The following EEIG2 variants were observed in gnomAD, a reference collection of about 807,000 sequenced individuals.
EEIG2 encodes the protein family with sequence similarity 102 member B.
At chr1:108,565,088 G>C in the EEIG2 span, among the ~76,000 whole-genome samples, 8 of 152,056 alleles carry the variant, frequency 5.3e-5, no homozygotes, top group African/African-American at 1.9e-4. Flanking sequence ...TATTAAAATG[G>C]TCAGGGTAAA....
At chr1:108,564,249 C>G in the EEIG2 span, among the ~76,000 whole-genome samples, 4 of 148,604 alleles carry the variant, frequency 2.7e-5, no homozygotes, top group Admixed American at 2.7e-4. Flanking sequence ...TATCTGTATT[C>G]AAGGTTGGGT....
chr1:108,597,146 G>T, the EEIG2 span, among the ~76,000 whole-genome samples: 1 of 152,154 alleles, frequency 6.6e-6, no homozygotes, highest in African/African-American at 2.4e-5. Context: ...TATGTGGCAG[G>T]TGCTTGTCAT....
the EEIG2 span, chr1:108,628,679 G>A: frequency 6.2e-7 from 1 of 1,608,104 alleles, no homozygotes; most frequent in African/African-American, 1.3e-5. Context: ...TTTCAAAGAT[G>A]CCCAGTGAAA....
chr1:108,636,761 A>G, the EEIG2 span: 1 of 150,758 alleles, frequency 6.6e-6, no homozygotes, highest in Non-Finnish European at 1.5e-5. Flanking sequence ...AGCCTAACCA[A>G]GGGACTTAAG....
chr1:108,595,804 C>CGTAT, the EEIG2 span, among the ~76,000 whole-genome samples: 188 of 152,126 alleles, frequency 1.2e-3, no homozygotes, highest in African/African-American at 4.3e-3. Context: ...CATGCCTAAT[C>CGTAT]GTATATGTTA....
chr1:108,576,362 TGTATACATG>T, the EEIG2 span, among the ~76,000 whole-genome samples: 11 of 151,048 alleles, frequency 7.3e-5, no homozygotes, highest in Admixed American at 7.3e-4. Flanking sequence ...TAGTTACATA[TGTATACATG>T]TGCCATGCTG....
the EEIG2 span, chr1:108,638,144 CGTT>C: frequency 1.3e-5 from 2 of 152,130 alleles, no homozygotes; most frequent in Admixed American, 1.3e-4. Context: ...GTGGCGCAAT[CGTT>C]GCTCACTACA....
the EEIG2 span, chr1:108,616,255 G>A: frequency 1.7e-5 from 12 of 686,240 alleles, no homozygotes; most frequent in African/African-American, 1.1e-4. Context: ...TTAGCCTCCC[G>A]TGGATATAAC....
At chr1:108,561,150 G>C in the EEIG2 span, among the ~76,000 whole-genome samples, 1 of 152,220 alleles carries the variant, frequency 6.6e-6, no homozygotes, top group Non-Finnish European at 1.5e-5. Context: ...GCCACTAGTA[G>C]GTCTCCTTGT....
chr1:108,616,558 G>A, the EEIG2 span: 8 of 623,496 alleles, frequency 1.3e-5, no homozygotes, highest in Non-Finnish European at 2.2e-5. Context: ...TCTTCCCTGG[G>A]AGACTGACCT....
At chr1:108,622,938 A>C in the EEIG2 span, among the ~76,000 whole-genome samples, 3 of 152,122 alleles carry the variant, frequency 2.0e-5, no homozygotes, top group African/African-American at 7.2e-5. Flanking sequence ...TATCAGCCTC[A>C]AAAGGTTAGG....
At chr1:108,577,870 A>T in the EEIG2 span, among the ~76,000 whole-genome samples, 1 of 151,272 alleles carries the variant, frequency 6.6e-6, no homozygotes, top group African/African-American at 2.4e-5. Context: ...ATGGCATTGA[A>T]TCAGTAAATT....
chr1:108,624,589 C>A, the EEIG2 span: 1 of 1,480,808 alleles, frequency 6.8e-7, no homozygotes, highest in Non-Finnish European at 9.4e-7. Context: ...CAATCAATAA[C>A]TATTGTAAAC....
chr1:108,591,070 T>G, the EEIG2 span, among the ~76,000 whole-genome samples: 1 of 152,346 alleles, frequency 6.6e-6, no homozygotes, highest in East Asian at 1.9e-4. Flanking sequence ...CAAATCATAT[T>G]CTGTTGCTTT....
the EEIG2 span, among the ~76,000 whole-genome samples, chr1:108,565,833 T>C: frequency 6.6e-6 from 1 of 152,204 alleles, no homozygotes; most frequent in East Asian, 1.9e-4. Flanking sequence ...GTATTTCTTT[T>C]TAGTAAACAT....
the EEIG2 span, among the ~76,000 whole-genome samples, chr1:108,589,460 A>G: frequency 6.6e-6 from 1 of 152,046 alleles, no homozygotes. Flanking sequence ...TACACTTGCT[A>G]GTGTTATTAG....
chr1:108,573,123 T>C, the EEIG2 span, among the ~76,000 whole-genome samples: 1 of 152,226 alleles, frequency 6.6e-6, no homozygotes, highest in African/African-American at 2.4e-5. Context: ...CTGAGGAGCA[T>C]GACTGCTGGA....
the EEIG2 span, chr1:108,635,135 T>C: frequency 4.3e-6 from 7 of 1,614,038 alleles, no homozygotes; most frequent in Non-Finnish European, 5.9e-6. Context: ...ATGAACAAGT[T>C]GTGATCAAAC....
chr1:108,596,098 G>A, the EEIG2 span, among the ~76,000 whole-genome samples: 2 of 151,582 alleles, frequency 1.3e-5, no homozygotes, highest in African/African-American at 4.8e-5. Flanking sequence ...CAGGAAGTAA[G>A]GGAGGCAGGG....
Sources: allele counts gnomAD v4.1 joint callset (sites outside exome capture counted in the v4.1 genomes callset), GRCh38; gene constraint gnomAD v4.1.1; transcripts MANE v1.5; gene names NCBI Gene and HGNC (gene_info 2026-07-23, HGNC 2026-07-21).